Variants in DPP10 observed in about 807,000 individuals in gnomAD.
DPP10 encodes dipeptidyl peptidase like 10, also known as inactive dipeptidyl peptidase 10.
A neutral mutation model predicts 120.9 loss-of-function variants in DPP10; 33 were observed. That is an observed-to-expected ratio of 0.27 (90% confidence interval 0.21 to 0.37). The LOEUF (loss-of-function observed/expected upper bound fraction) is 0.37, where lower values mean the gene tolerates loss of function less well. Among genes scored for constraint, DPP10 ranks in the 10% least tolerant of loss-of-function variants. DPP10 has a pLI of 1.00. For missense variants in DPP10, 816 were observed against 942.8 expected (o/e 0.87, Z 1.76); for synonymous variants, 337 against 326.1 (o/e 1.03, Z -0.36).
At chr2:114,730,848 A>G (rs899068926) in intron 1 of DPP10, among the ~76,000 whole-genome samples, 1 of 151,314 alleles carries the variant, frequency 6.6e-6, no homozygotes, top group Non-Finnish European at 1.5e-5. Flanking sequence ...CCTTGGCCTC[A>G]CAAAGTGCTG....
At chr2:114,827,407 GA>G (rs1316186130) in intron 1 of DPP10, among the ~76,000 whole-genome samples, 3 of 152,068 alleles carry the variant, frequency 2.0e-5, no homozygotes, top group Non-Finnish European at 4.4e-5. Flanking sequence ...TAGATCCATT[GA>G]AAAAAACTGG....
chr2:114,669,120 T>TA (rs2105615612), intron 1 of DPP10, among the ~76,000 whole-genome samples: 1 of 152,288 alleles, frequency 6.6e-6, no homozygotes, highest in South Asian at 2.1e-4. Context: ...TTCTTGTTGT[T>TA]ACAACTGTTC....
intron 10 of DPP10, chr2:115,749,997 A>G (rs1275286630): frequency 1.0e-6 from 1 of 985,232 alleles, no homozygotes; most frequent in African/African-American, 1.7e-5. Flanking sequence ...GTGGCTCAAG[A>G]GGACCAGATC....
At chr2:115,247,877 C>G (rs1277688365) in intron 1 of DPP10, among the ~76,000 whole-genome samples, 1 of 152,148 alleles carries the variant, frequency 6.6e-6, no homozygotes, top group African/African-American at 2.4e-5. Flanking sequence ...TGGTCCTATT[C>G]CAACTAGCTA....
At chr2:115,221,754 G>GTTTTTTTTTTTTTTTTTTTTTTT (rs56077672) in intron 1 of DPP10, among the ~76,000 whole-genome samples, 5 of 120,150 alleles carry the variant, frequency 4.2e-5, no homozygotes, top group African/African-American at 1.3e-4. Context: ...GTTTGTTTCT[G>GTTTTTTTTTTTTTTTTTTTTTTT]TTTTTTTTTT....
At chr2:114,792,991 TG>T (rs1157946938) in intron 1 of DPP10, among the ~76,000 whole-genome samples, 47 of 13,734 alleles carry the variant, frequency 3.4e-3, no homozygotes, top group African/African-American at 0.011. Flanking sequence ...ACTGTATTAT[TG>T]TGTGTGTGTG....
At chr2:115,131,666 A>T (rs2050366672) in intron 1 of DPP10, among the ~76,000 whole-genome samples, 1 of 152,218 alleles carries the variant, frequency 6.6e-6, no homozygotes, top group Non-Finnish European at 1.5e-5. Context: ...TTAGCTACTG[A>T]TTTGTTATCA....
In DPP10 at chr2:115,137,344, T is replaced by C. The variant is rs192331561; in HGVS notation, c.61-171895T>C. Among the ~76,000 whole-genome samples, 256 of 152,324 alleles carry C rather than the reference T, an allele frequency of 1.7e-3. 7 individuals carry two copies. Among genetic ancestry groups the C allele is most frequent in the African/African-American group, 5.7e-3 (236 of 41,584 alleles). On this transcript the variant is annotated intron_variant, in intron 1 of 25. Transcript: ENST00000410059. The stretch of plus-strand genomic sequence containing the variant: ...TCCATCTGACTGAGCCATCTGGCAG[T>C]GAACCAGTGGTATCAGAACAGCAAT...
At chr2:115,544,038 TAAAG>T (rs1215224063) in intron 5 of DPP10, among the ~76,000 whole-genome samples, 1 of 148,820 alleles carries the variant, frequency 6.7e-6, no homozygotes, top group East Asian at 2.0e-4. Context: ...GGAAAATAAT[TAAAG>T]AAAAAAAAAA....
At chr2:114,686,262 T>C (rs1699359147) in intron 1 of DPP10, among the ~76,000 whole-genome samples, 1 of 151,916 alleles carries the variant, frequency 6.6e-6, no homozygotes. Flanking sequence ...TTTGTATCTG[T>C]TTTTCAGATA....
intron 1 of DPP10, among the ~76,000 whole-genome samples, chr2:114,741,737 G>A (rs559092138): frequency 2.0e-5 from 3 of 152,244 alleles, no homozygotes; most frequent in East Asian, 1.9e-4. Context: ...GAAACACACA[G>A]GGAGAATATG....
chr2:115,345,100 TA>T, intron 3 of DPP10, among the ~76,000 whole-genome samples: 1 of 152,220 alleles, frequency 6.6e-6, no homozygotes, highest in Middle Eastern at 3.2e-3. Flanking sequence ...GTTTTTTGAA[TA>T]AATGAATGAA....
At chr2:114,990,101 T>C (rs527537458) in intron 1 of DPP10, among the ~76,000 whole-genome samples, 3 of 152,200 alleles carry the variant, frequency 2.0e-5, no homozygotes, top group Non-Finnish European at 4.4e-5. Context: ...AGCTGAATAA[T>C]CTTGCATTAA....
At chr2:115,596,979 TG>T in intron 5 of DPP10, among the ~76,000 whole-genome samples, 1 of 152,270 alleles carries the variant, frequency 6.6e-6, no homozygotes, top group Middle Eastern at 3.4e-3. Flanking sequence ...AGCTTCAGAG[TG>T]GAGCCCCTTG....
chr2:115,045,087 A>T (rs2105318319), intron 1 of DPP10, among the ~76,000 whole-genome samples: 1 of 152,334 alleles, frequency 6.6e-6, no homozygotes, highest in East Asian at 1.9e-4. Flanking sequence ...TACAGAGTGC[A>T]GATATCTCTT....
intron 7 of DPP10, among the ~76,000 whole-genome samples, chr2:115,699,376 C>T (rs548515942): frequency 3.3e-5 from 5 of 152,170 alleles, no homozygotes; most frequent in African/African-American, 4.8e-5. Flanking sequence ...CCAAGGCGGG[C>T]GGATCACCTG....
At chr2:114,470,220 T>C (rs1003699915) in intron 1 of DPP10, among the ~76,000 whole-genome samples, 3 of 152,200 alleles carry the variant, frequency 2.0e-5, no homozygotes, top group Non-Finnish European at 2.9e-5. Flanking sequence ...TGTTGATTTA[T>C]TTCTGTTAGA....
intron 1 of DPP10, among the ~76,000 whole-genome samples, chr2:114,734,806 A>C (rs1439973495): frequency 1.3e-5 from 2 of 152,204 alleles, no homozygotes; most frequent in Non-Finnish European, 2.9e-5. Context: ...GCATGGTTCA[A>C]GTATGAGTTT....
intron 3 of DPP10, chr2:115,441,081 C>A (rs1347445336): frequency 6.6e-6 from 1 of 152,016 alleles, no homozygotes. Context: ...AAGAGACAAG[C>A]AGGATAAAAT....
Sources: allele counts gnomAD v4.1 joint callset (sites outside exome capture counted in the v4.1 genomes callset), GRCh38; gene constraint gnomAD v4.1.1; transcripts MANE v1.5; gene names NCBI Gene and HGNC (gene_info 2026-07-23, HGNC 2026-07-21).